The following NIPBL variants were observed in gnomAD, a reference collection of about 807,000 sequenced individuals.
NIPBL encodes the protein NIPBL cohesin loading factor, also known as nipped-B-like protein.
NIPBL carries 19 observed loss-of-function variants against 321.8 expected under a neutral mutation model. The observed-to-expected ratio is 0.06, with a 90% confidence interval of 0.04 to 0.09. The LOEUF is 0.09. NIPBL is among the 10% of genes least tolerant of loss of function. The pLI is 1.00. For missense variants in NIPBL, 2,210 were observed against 3,327.0 expected (o/e 0.66, Z 8.26); for synonymous variants, 1,106 against 1,114.1 (o/e 0.99, Z 0.14).
chr5:36,939,833 A>G (rs1022737180), intron 1 of NIPBL, among the ~76,000 whole-genome samples: 11 of 152,192 alleles, frequency 7.2e-5, no homozygotes, highest in Non-Finnish European at 4.4e-5. Context: ...TCCTGAGACA[A>G]CAACATTAAT....
intron 1 of NIPBL, among the ~76,000 whole-genome samples, chr5:36,900,212 A>G (rs1258510449): frequency 6.6e-6 from 1 of 152,028 alleles, no homozygotes. Context: ...AGAAACCAAT[A>G]AAAAAAATAC....
In NIPBL at chr5:37,003,523, A is replaced by G. The variant is rs78562347; in HGVS notation, c.3855+176A>G. Among the ~76,000 whole-genome samples, 129 of 152,176 alleles carry G rather than the reference A, an allele frequency of 8.5e-4. No homozygotes were observed. In the East Asian group the frequency reaches 0.02, roughly 24 times the overall value. ...TATTGTTCTGTTTTTTATTGTCATT[A>G]ATCTCTTCCCATGCCTAATTTATAA... On this transcript the variant is annotated intron_variant, in intron 16 of 46. Transcript: ENST00000282516.
intron 1 of NIPBL, among the ~76,000 whole-genome samples, chr5:36,938,889 G>A (rs1561052976): frequency 6.6e-6 from 1 of 152,192 alleles, no homozygotes; most frequent in Admixed American, 6.5e-5. Flanking sequence ...CAGCAGGTGT[G>A]TGTGTGTACA....
Position 36,995,702 on chromosome 5 carries a change from C to T in NIPBL, c.3202C>T (p.Arg1068Cys), listed in dbSNP as rs762234061. The T allele has an allele frequency of 3.7e-6, 6 of 1,613,460 alleles. No individual in the cohort carries two copies. The highest frequency in any genetic ancestry group is 5.1e-6 in the Non-Finnish European group (6 of 1,179,680). ...EIESTMPLCE[R>C]VKMNKRKRST... Reference sequence around the variant, plus strand: ...TGAGTCCACCATGCCACTTTGTGAACGTGTGAAAATGAACAAACGCAAGCG... The same window carrying T: ...TGAGTCCACCATGCCACTTTGTGAATGTGTGAAAATGAACAAACGCAAGCG... Residue 1068 changes from arginine (R) to cysteine (C), a missense_variant, in exon 11 of 47, where the codon CGT (arginine) becomes TGT (cysteine). Coordinates refer to ENST00000282516, the MANE Select transcript of NIPBL (RefSeq NM_133433.4).
chr5:37,036,536 T>A (rs1291324177), intron 33 of NIPBL, 49 bp downstream of exon 33: 42 of 750,596 alleles, frequency 5.6e-5, no homozygotes, highest in Admixed American at 2.8e-4. Flanking sequence ...TTATAAGATA[T>A]TTTTAAATAT....
intron 1 of NIPBL, among the ~76,000 whole-genome samples, chr5:36,922,843 AC>A (rs1749051689): frequency 6.6e-6 from 1 of 152,134 alleles, no homozygotes; most frequent in Admixed American, 6.5e-5. Flanking sequence ...TCTTTACCTT[AC>A]CTTTGATAAA....
Position 36,986,173 on chromosome 5 carries a change from G to A in NIPBL, c.2993G>A (p.Gly998Glu). The part of the protein sequence containing the change: ...KIGLVEDLNK[G>E]AKPVVVLQKL... ...GGATTAGTTGAAGATCTAAATAAAG[G>A]AGCTAAGCCTGTAGTTGTGCTACAA... The change falls in exon 10 of 47, where the codon GGA (glycine) becomes GAA (glutamate). Residue 998 changes from glycine to glutamate, a missense_variant. Transcript: ENST00000282516. 1 of 1,613,236 alleles carries A rather than the reference G, an allele frequency of 6.2e-7. No individual in the cohort carries two copies.
At chr5:36,926,593 T>C (rs1580249589) in intron 1 of NIPBL, among the ~76,000 whole-genome samples, 1 of 152,208 alleles carries the variant, frequency 6.6e-6, no homozygotes, top group East Asian at 1.9e-4. Flanking sequence ...GTAAGATTTC[T>C]TATCACCTAG....
chr5:37,022,770 C>T (rs553249337), intron 29 of NIPBL, among the ~76,000 whole-genome samples: 10 of 152,228 alleles, frequency 6.6e-5, no homozygotes, highest in African/African-American at 9.6e-5. Flanking sequence ...GTGAGAGACA[C>T]GTACAGAACG....
intron 39 of NIPBL, 140 bp downstream of exon 39, chr5:37,048,815 T>C: frequency 1.3e-6 from 1 of 742,032 alleles, no homozygotes; most frequent in South Asian, 1.8e-5. Context: ...CTGAGGTCTA[T>C]AGCTGGGCTT....
chr5:37,026,785 C>A (rs1580513396), intron 31 of NIPBL, among the ~76,000 whole-genome samples: 1 of 152,024 alleles, frequency 6.6e-6, no homozygotes, highest in East Asian at 1.9e-4. Context: ...ATCCCAGCTG[C>A]TCAGGAGTCT....
At chr5:37,026,714 G>A (rs1580513150) in intron 31 of NIPBL, among the ~76,000 whole-genome samples, 1 of 152,222 alleles carries the variant, frequency 6.6e-6, no homozygotes, top group East Asian at 1.9e-4. Flanking sequence ...TTATGCATAA[G>A]CTATACATTT....
chr5:37,028,134 G>GT (rs927149488), intron 32 of NIPBL, among the ~76,000 whole-genome samples: 6 of 151,214 alleles, frequency 4.0e-5, no homozygotes, highest in Non-Finnish European at 7.4e-5. Context: ...CAACTAGTGG[G>GT]TTTTTTTTAA....
At chr5:36,974,357 GATTA>G (rs1166161029) in intron 8 of NIPBL, among the ~76,000 whole-genome samples, 1 of 152,120 alleles carries the variant, frequency 6.6e-6, no homozygotes, top group Non-Finnish European at 1.5e-5. Flanking sequence ...TTGATTTTTA[GATTA>G]ATTATTAGAA....
intron 3 of NIPBL, among the ~76,000 whole-genome samples, chr5:36,957,570 T>C (rs991323515): frequency 2.6e-5 from 4 of 152,238 alleles, no homozygotes; most frequent in Non-Finnish European, 5.9e-5. Context: ...AAATAGTGTT[T>C]TGGGCTTTTT....
At chr5:37,038,094 A>G (rs994846038) in intron 33 of NIPBL, among the ~76,000 whole-genome samples, 3 of 150,644 alleles carry the variant, frequency 2.0e-5, no homozygotes, top group South Asian at 2.1e-4. Context: ...GGCTGAAGCA[A>G]TCCTCCCACC....
rs919269893 is a variant in NIPBL, at chr5:36,989,578, A to C, written c.3121+3277A>C. Among the ~76,000 whole-genome samples the C allele has an allele frequency of 3.3e-5, 5 of 152,134 alleles. No homozygotes were observed. In the East Asian group the frequency reaches 9.6e-4, roughly 29 times the overall value. On this transcript the variant is annotated intron_variant, in intron 10 of 46. Transcript: ENST00000282516. Reference sequence around the variant, plus strand: ...AGTTATGAGATCCTTTAAGATTGGCATAATCTCCCAGCATTTTGGGAGGCC... The same window carrying C: ...AGTTATGAGATCCTTTAAGATTGGCCTAATCTCCCAGCATTTTGGGAGGCC...
intron 5 of NIPBL, 101 bp downstream of exon 5, chr5:36,961,684 T>G: frequency 1.2e-6 from 1 of 847,526 alleles, no homozygotes; most frequent in Non-Finnish European, 2.0e-6. Context: ...TTATTTAGAG[T>G]TTAAATAGTT....
At chr5:36,906,448 A>G (rs1211491867) in intron 1 of NIPBL, among the ~76,000 whole-genome samples, 99 of 152,272 alleles carry the variant, frequency 6.5e-4, no homozygotes, top group Admixed American at 6.5e-3. Flanking sequence ...TGTTAAAATC[A>G]TTTTGTTGTC....
Sources: allele counts gnomAD v4.1 joint callset (sites outside exome capture counted in the v4.1 genomes callset), GRCh38; gene constraint gnomAD v4.1.1; transcripts MANE v1.5; gene names NCBI Gene and HGNC (gene_info 2026-07-23, HGNC 2026-07-21).